ASIC2: variants seen among roughly 807,000 people sequenced by gnomAD.
ASIC2 encodes acid sensing ion channel subunit 2.
ASIC2 carries 25 observed loss-of-function variants against 57.3 expected under a neutral mutation model. The ratio of observed to expected loss-of-function variants is 0.44; its 90% CI spans 0.32 to 0.61. ASIC2 has a LOEUF of 0.61. Among genes scored for constraint, ASIC2 ranks in the 20% least tolerant of loss-of-function variants. The probability of loss-of-function intolerance (pLI) is 0.06; values close to 1 mark genes in which losing one functional copy is unlikely to be tolerated. For missense variants in ASIC2, 641 were observed against 738.1 expected, an observed-to-expected ratio of 0.87 and a Z score of 1.52; for synonymous variants, 319 against 307.5, an observed-to-expected ratio of 1.04 and a Z score of -0.39.
intron 1 of ASIC2, among the ~76,000 whole-genome samples, chr17:33,742,367 C>T (rs1255251226): frequency 6.6e-6 from 1 of 152,166 alleles, no homozygotes; most frequent in African/African-American, 2.4e-5. Context: ...GGCTGGCTGA[C>T]TTCTACTTAT....
intron 1 of ASIC2, among the ~76,000 whole-genome samples, chr17:33,642,391 C>G (rs996665471): frequency 2.0e-5 from 3 of 152,186 alleles, no homozygotes; most frequent in African/African-American, 7.2e-5. Flanking sequence ...CCTTGAGTAC[C>G]AGGCTAGGCA....
At chr17:33,158,506 T>C (rs1905074177) in intron 1 of ASIC2, among the ~76,000 whole-genome samples, 1 of 152,206 alleles carries the variant, frequency 6.6e-6, no homozygotes, top group Admixed American at 6.5e-5. Context: ...TCGCTGTGAA[T>C]GCCAAAGATC....
At position 33,023,860 on chromosome 17, in the gene ASIC2, C is replaced by T. The variant is rs199653464; in HGVS notation, c.1349+1G>A. On this transcript the variant is annotated splice_donor_variant, in intron 6 of 9. Coordinates refer to ENST00000225823, the MANE Select transcript of ASIC2 (RefSeq NM_183377.2). LOFTEE classifies it high-confidence loss of function. Reference sequence around the variant, plus strand: ...CTGCCTACCATGCCCACTAAACTTACGAGATATATTTTTCTGATTTGTTAA... The same window carrying T: ...CTGCCTACCATGCCCACTAAACTTATGAGATATATTTTTCTGATTTGTTAA... 19 of 1,614,028 alleles carry T rather than the reference C, an allele frequency of 1.2e-5. No individual in the cohort carries two copies.
At chr17:33,487,686 A>C (rs1005938005) in intron 1 of ASIC2, among the ~76,000 whole-genome samples, 2 of 152,196 alleles carry the variant, frequency 1.3e-5, no homozygotes, top group East Asian at 3.8e-4. Context: ...CCAACCCTCA[A>C]TCTGGGTGGG....
chr17:33,563,140 A>G (rs1458838386), intron 1 of ASIC2, among the ~76,000 whole-genome samples: 1 of 152,154 alleles, frequency 6.6e-6, no homozygotes, highest in Non-Finnish European at 1.5e-5. Context: ...AAATCTCCAG[A>G]GTTTTGCTAC....
chr17:33,214,550 C>G (rs1487156446), intron 1 of ASIC2, among the ~76,000 whole-genome samples: 1 of 152,206 alleles, frequency 6.6e-6, no homozygotes, highest in Non-Finnish European at 1.5e-5. Flanking sequence ...GGGAAGCATA[C>G]CATCATCTTC....
At chr17:33,818,279 G>A (rs944309796) in intron 1 of ASIC2, among the ~76,000 whole-genome samples, 2 of 152,122 alleles carry the variant, frequency 1.3e-5, no homozygotes, top group African/African-American at 4.8e-5. Flanking sequence ...GATTTATTTT[G>A]GTGATTAAAG....
In ASIC2 at chr17:33,292,249, A is replaced by G. The variant is rs1052720047; in HGVS notation, c.-134T>C. The G allele has an allele frequency of 2.0e-6, 2 of 992,476 alleles. No individual in the cohort carries two copies. The highest frequency in any genetic ancestry group is 2.4e-6 in the Non-Finnish European group (2 of 836,580). The allele number at this position is 992,476 out of a possible 1,614,324, so 61.5% of individuals were successfully genotyped here. ...CGCGCCAGGGAAGCGTGCGCCCGAA[A>G]GGAGCTCCGGTGGCGCGGCATGCCC... is the stretch of plus-strand genomic sequence containing the variant. On this transcript the variant is annotated 5_prime_UTR_variant, in exon 1 of 10. Coordinates refer to ENST00000225823, the MANE Select transcript of ASIC2 (RefSeq NM_183377.2).
At chr17:33,413,163 G>A (rs12941510) in intron 1 of ASIC2, among the ~76,000 whole-genome samples, 40,390 of 152,034 alleles carry the variant, frequency 0.27, 6,738 homozygotes, top group Non-Finnish European at 0.36. Context: ...GTCAAGTGAA[G>A]TGTGACACAG....
At position 34,156,752 on chromosome 17, in the gene ASIC2, A is replaced by C. The variant is rs1904739083; in HGVS notation, c.-220T>G. On this transcript the variant is annotated 5_prime_UTR_variant, in exon 1 of 10. Coordinates refer to the ASIC2 transcript ENST00000359872. This position sits in a 1 kb window ranked among gnomAD's most constrained non-coding sequence, Gnocchi z 4.4. Reference sequence around the variant, plus strand: ...CAAACTCTAGCTCTTGATTTTTTCCAGGCGATAAGGAGGGCTGGTTTTATT... The same window carrying C: ...CAAACTCTAGCTCTTGATTTTTTCCCGGCGATAAGGAGGGCTGGTTTTATT... The C allele has an allele frequency of 1.8e-6, 1 of 545,088 alleles. No homozygotes were observed. Among genetic ancestry groups the C allele is most frequent in the African/African-American group, 1.9e-5 (1 of 52,986 alleles). 33.8% of individuals were successfully genotyped at this position (545,088 alleles called of 1,614,324 possible). A position where few individuals can be genotyped will look rare whatever the true frequency, so the allele number is the denominator to read the frequency against.
In ASIC2 at chr17:33,706,618, A is replaced by G. The variant is rs534700626; in HGVS notation, c.555+449360T>C. 4.6e-5 allele frequency among the ~76,000 whole-genome samples: 7 copies of G among 152,202 alleles called. No homozygotes were observed. In the East Asian group the frequency reaches 1.2e-3, roughly 25 times the overall value. ...TATGTTTATATTTTCTTTCTTGAACAACCTTTTGTTTTTTCTGGAGTTAGT... is the reference window on the plus strand; with the variant it reads ...TATGTTTATATTTTCTTTCTTGAACGACCTTTTGTTTTTTCTGGAGTTAGT... On this transcript the variant is annotated intron_variant, in intron 1 of 9. Transcript: ENST00000359872.
intron 1 of ASIC2, among the ~76,000 whole-genome samples, chr17:33,342,457 T>C (rs1359899808): frequency 1.3e-5 from 2 of 152,160 alleles, no homozygotes; most frequent in East Asian, 3.9e-4. Context: ...CACATGTACA[T>C]ACATGCATGT....
intron 1 of ASIC2, among the ~76,000 whole-genome samples, chr17:33,541,969 A>G (rs1915425850): frequency 6.6e-6 from 1 of 152,160 alleles, no homozygotes; most frequent in South Asian, 2.1e-4. Flanking sequence ...TTTCCTCATC[A>G]ATTTCATGGG....
intron 1 of ASIC2, among the ~76,000 whole-genome samples, chr17:33,914,185 T>C (rs1410425524): frequency 6.6e-6 from 1 of 152,190 alleles, no homozygotes; most frequent in Non-Finnish European, 1.5e-5. Context: ...GGAGAGGCCA[T>C]ATAGGACATC....
intron 1 of ASIC2, among the ~76,000 whole-genome samples, chr17:33,992,221 G>A (rs754861384): frequency 7.9e-5 from 12 of 152,180 alleles, no homozygotes; most frequent in African/African-American, 2.7e-4. Flanking sequence ...CATAGACTAA[G>A]TAAAATTCTG....
intron 1 of ASIC2, chr17:34,000,830 A>T (rs1296057599): frequency 1.3e-5 from 2 of 151,972 alleles, no homozygotes; most frequent in Non-Finnish European, 2.9e-5. Context: ...GAACTCACTA[A>T]ATCTGCTTGA....
chr17:33,173,631 G>A (rs1428964633), intron 1 of ASIC2, among the ~76,000 whole-genome samples: 3 of 152,212 alleles, frequency 2.0e-5, no homozygotes, highest in Admixed American at 2.0e-4. Flanking sequence ...GAGACAGCCA[G>A]TCTGATGGTT....
intron 1 of ASIC2, among the ~76,000 whole-genome samples, chr17:33,578,742 C>T (rs1220231592): frequency 6.6e-6 from 1 of 152,174 alleles, no homozygotes; most frequent in Non-Finnish European, 1.5e-5. Context: ...GCACTAATGG[C>T]TTTTCAATAC....
intron 1 of ASIC2, among the ~76,000 whole-genome samples, chr17:33,341,484 T>C (rs542341031): frequency 5.9e-5 from 9 of 152,350 alleles, no homozygotes; most frequent in African/African-American, 2.2e-4. Context: ...TGTTTAGGCA[T>C]TGTCTACGGT....
Sources: allele counts gnomAD v4.1 joint callset (sites outside exome capture counted in the v4.1 genomes callset), GRCh38; gene constraint gnomAD v4.1.1; non-coding constraint Gnocchi (gnomAD v3.1); transcripts MANE v1.5; gene names NCBI Gene and HGNC (gene_info 2026-07-23, HGNC 2026-07-21).